Variants in HELLS observed in about 807,000 individuals in gnomAD.
HELLS encodes the protein lymphoid-specific helicase.
Under a neutral mutation model 120.0 loss-of-function variants are expected in HELLS, and 32 were observed. That is an observed-to-expected ratio of 0.27 (90% CI 0.20 to 0.36). HELLS has a LOEUF of 0.36. Among genes scored for constraint, HELLS ranks in the 10% least tolerant of loss-of-function variants. The pLI is 1.00. For synonymous variants in HELLS, 341 were observed against 323.4 expected (o/e 1.05, Z -0.58); for missense variants, 650 against 993.4 (o/e 0.65, Z 4.65).
At chr10:94,587,895 G>A (rs1196190176) in intron 12 of HELLS, among the ~76,000 whole-genome samples, 2 of 151,548 alleles carry the variant, frequency 1.3e-5, no homozygotes, top group Non-Finnish European at 2.9e-5. Context: ...CTTTTGTATG[G>A]TGCTGATAAC....
intron 7 of HELLS, among the ~76,000 whole-genome samples, chr10:94,572,402 A>G (rs1290811234): frequency 6.6e-6 from 1 of 152,084 alleles, no homozygotes; most frequent in Non-Finnish European, 1.5e-5. Context: ...ATGTCTTTCC[A>G]CCCCCAAACC....
chr10:94,601,568 G>A lies in HELLS; in HGVS notation c.2463G>A (p.Gly821=). The change falls in exon 22 of 22, where the codon GGG becomes GGA. Residue 821 remains glycine (G), a synonymous_variant. Transcript: ENST00000348459. ...NASGPIKEKM[G]IFKILENSED... is the part of the protein sequence containing the mutation. ...CAGGACCAATTAAAGAGAAGATGGGGATATTCAAGATATTAGAAAATTCTG... is the reference window on the plus strand; with the variant it reads ...CAGGACCAATTAAAGAGAAGATGGGAATATTCAAGATATTAGAAAATTCTG... The A allele has an allele frequency of 6.3e-7, 1 of 1,585,136 alleles. No homozygotes were observed. Among genetic ancestry groups the A allele is most frequent in the South Asian group, 1.1e-5 (1 of 88,274 alleles).
intron 6 of HELLS, chr10:94,570,524 AATTTGAT>A (rs1844090915): frequency 6.6e-6 from 1 of 151,896 alleles, no homozygotes; most frequent in African/African-American, 2.4e-5. Flanking sequence ...ATGAATCTTA[AATTTGAT>A]ATTGCTGTTT....
chr10:94,588,140 G>C, intron 12 of HELLS, 89 bp from the exon 13 acceptor site: 1 of 630,072 alleles, frequency 1.6e-6, no homozygotes, highest in Non-Finnish European at 2.5e-6. Flanking sequence ...GAAGTCAAAA[G>C]ATAAGGTAAA....
Position 94,545,972 on chromosome 10 carries a change from T to C in HELLS, c.31+20T>C, listed in dbSNP as rs10882474. 0.46 allele frequency: 713,333 copies of C among 1,554,014 alleles called. 167,980 individuals are homozygous for C. Among genetic ancestry groups the C allele is most frequent in the East Asian group, 0.78 (32,079 of 41,356 alleles). On this transcript the variant is annotated intron_variant, in intron 1 of 21. Coordinates refer to ENST00000348459, the MANE Select transcript of HELLS (RefSeq NM_018063.5). The stretch of plus-strand genomic sequence containing the variant: ...GCGGCGGTGAGTGAGGAAAACCTTT[T>C]GGGCGCGGGTGGCAGCCTGCGGGGC...
At chr10:94,548,781 G>A (rs1180606718) in intron 2 of HELLS, among the ~76,000 whole-genome samples, 1 of 152,106 alleles carries the variant, frequency 6.6e-6, no homozygotes, top group African/African-American at 2.4e-5. Context: ...ATCACCTGAG[G>A]TCAGGAGTTC....
In HELLS at chr10:94,601,859, C is replaced by T. The variant is rs978799991; in HGVS notation, c.*237C>T. On this transcript the variant is annotated 3_prime_UTR_variant, in exon 22 of 22. Coordinates refer to ENST00000348459, the MANE Select transcript of HELLS (RefSeq NM_018063.5). The stretch of plus-strand genomic sequence containing the variant: ...TGAGACTGAGTAGTATTCTTGGATA[C>T]AGGCTGATGTGTACTTAACCACTTC... The T allele has an allele frequency of 1.7e-5, 5 of 302,724 alleles. No homozygotes were observed. Among genetic ancestry groups the T allele is most frequent in the Non-Finnish European group, 3.1e-5 (5 of 163,714 alleles). 18.8% of individuals were successfully genotyped at this position (302,724 alleles called of 1,614,324 possible).
intron 18 of HELLS, among the ~76,000 whole-genome samples, chr10:94,594,378 G>A (rs1440448667): frequency 1.3e-5 from 2 of 152,010 alleles, no homozygotes; most frequent in South Asian, 2.1e-4. Flanking sequence ...GTGAGACCAC[G>A]TCTCACTGTT....
intron 3 of HELLS, among the ~76,000 whole-genome samples, chr10:94,557,437 TA>T (rs1268932245): frequency 1.3e-5 from 2 of 152,212 alleles, no homozygotes; most frequent in African/African-American, 2.4e-5. Flanking sequence ...TTGGTGTCTT[TA>T]AAAAATTTGT....
At chr10:94,554,059 T>A (rs966420466) in intron 2 of HELLS, 67 bp from the exon 3 acceptor site, 2 of 1,435,444 alleles carry the variant, frequency 1.4e-6, no homozygotes, top group African/African-American at 3.0e-5. Context: ...TTTATTAAAC[T>A]TTATGCCAAA....
chr10:94,554,464 C>T (rs1319698261), intron 3 of HELLS, among the ~76,000 whole-genome samples: 5 of 152,056 alleles, frequency 3.3e-5, no homozygotes, highest in African/African-American at 1.2e-4. Flanking sequence ...GACAGTAATC[C>T]CCATGGCTGG....
intron 2 of HELLS, among the ~76,000 whole-genome samples, chr10:94,553,500 C>T (rs1010518841): frequency 4.6e-5 from 7 of 151,370 alleles, no homozygotes; most frequent in Middle Eastern, 3.5e-3. Context: ...CCACCCTCCT[C>T]GGCCTCCCAA....
Position 94,581,308 on chromosome 10 carries a change from C to T in HELLS, c.1033-18C>T. On this transcript the variant is annotated intron_variant, in intron 10 of 21. Coordinates refer to ENST00000348459, the MANE Select transcript of HELLS (RefSeq NM_018063.5). Reference sequence around the variant, plus strand: ...GAGATCATTGTTTAAAAATCTTTTTCCTCAATTCGTTTTCTAGCATTGCTA... The same window carrying T: ...GAGATCATTGTTTAAAAATCTTTTTTCTCAATTCGTTTTCTAGCATTGCTA... 2 of 1,456,422 alleles carry T rather than the reference C, an allele frequency of 1.4e-6. No individual in the cohort carries two copies. Among genetic ancestry groups the T allele is most frequent in the East Asian group, 2.4e-5 (1 of 42,476 alleles). The allele number at this position is 1,456,422 out of a possible 1,614,324, so 90.2% of individuals were successfully genotyped here. A position where few individuals can be genotyped will look rare whatever the true frequency, so the allele number is the denominator to read the frequency against.
At chr10:94,552,810 A>C (rs116159620) in intron 2 of HELLS, among the ~76,000 whole-genome samples, 56,922 of 139,750 alleles carry the variant, frequency 0.41, 11,120 homozygotes, top group East Asian at 0.7. Flanking sequence ...TGTCTTTACA[A>C]AAAAAAAAAA....
chr10:94,549,797 A>T (rs1416958753), intron 2 of HELLS, among the ~76,000 whole-genome samples: 2 of 152,232 alleles, frequency 1.3e-5, no homozygotes, highest in East Asian at 3.8e-4. Context: ...AAAAACAGTG[A>T]TAGGAAGATT....
intron 9 of HELLS, chr10:94,608,119 A>T (rs1283503278): frequency 6.2e-6 from 1 of 161,114 alleles, no homozygotes; most frequent in Non-Finnish European, 1.4e-5. Flanking sequence ...TCTTTATTTC[A>T]AAGAATTATT....
intron 2 of HELLS, among the ~76,000 whole-genome samples, chr10:94,547,378 G>GCCTGCAGAA (rs1842792218): frequency 6.6e-6 from 1 of 152,166 alleles, no homozygotes; most frequent in Non-Finnish European, 1.5e-5. Context: ...AACTCAGGCT[G>GCCTGCAGAA]CCTGCAGAAT....
intron 19 of HELLS, among the ~76,000 whole-genome samples, chr10:94,596,135 TTAG>T (rs1845727668): frequency 6.6e-6 from 1 of 152,152 alleles, no homozygotes; most frequent in African/African-American, 2.4e-5. Context: ...TTTCGATTTT[TTAG>T]TAGATTAATT....
chr10:94,554,785 G>A (rs1464723097), intron 3 of HELLS, among the ~76,000 whole-genome samples: 2 of 151,480 alleles, frequency 1.3e-5, no homozygotes, highest in African/African-American at 4.9e-5. Context: ...TTGAGGAAAA[G>A]AGACTGAAAG....
Sources: allele counts gnomAD v4.1 joint callset (sites outside exome capture counted in the v4.1 genomes callset), GRCh38; gene constraint gnomAD v4.1.1; transcripts MANE v1.5; gene names NCBI Gene and HGNC (gene_info 2026-07-23, HGNC 2026-07-21).